IFI16: variants seen among roughly 807,000 people sequenced by gnomAD.
IFI16 encodes the protein interferon gamma inducible protein 16.
In IFI16, 49 loss-of-function variants were observed where a neutral mutation model predicts 68.4. The ratio of observed to expected loss-of-function variants is 0.72; its 90% CI spans 0.57 to 0.91. IFI16 has a LOEUF of 0.91. Ranked by LOEUF, IFI16 falls within the 40% of genes least tolerant of loss-of-function variation. IFI16 has a pLI of 0.00. For missense variants in IFI16, 878 were observed against 942.9 expected, an observed-to-expected ratio of 0.93 and a Z score of 0.90; for synonymous variants, 307 against 315.0, an observed-to-expected ratio of 0.97 and a Z score of 0.27.
intron 9 of IFI16, among the ~76,000 whole-genome samples, chr1:159,050,992 C>T (rs766965902): frequency 5.3e-5 from 8 of 152,138 alleles, no homozygotes; most frequent in Non-Finnish European, 1.2e-4. Context: ...CTCATGAAAT[C>T]TAAGGTTTGT....
At chr1:159,027,998 C>T (rs1653776380) in intron 6 of IFI16, among the ~76,000 whole-genome samples, 1 of 151,950 alleles carries the variant, frequency 6.6e-6, no homozygotes, top group Non-Finnish European at 1.5e-5. Context: ...TGTTCTTTGT[C>T]TGTCACAATT....
At chr1:159,020,674 T>C (rs565638598) in intron 6 of IFI16, 145 bp downstream of exon 6, 1 of 510,594 alleles carries the variant, frequency 2.0e-6, no homozygotes, top group Non-Finnish European at 3.4e-6. Context: ...TCACATTTAC[T>C]TTTTTTAATT....
intron 1 of IFI16, 68 bp from the exon 2 acceptor site, chr1:159,014,593 C>T: frequency 9.5e-7 from 1 of 1,049,436 alleles, no homozygotes; most frequent in East Asian, 2.5e-5. Context: ...CACTCACTCA[C>T]ATAGGCATAC....
chr1:159,023,379 C>G (rs1268563241), intron 6 of IFI16, among the ~76,000 whole-genome samples: 1 of 152,124 alleles, frequency 6.6e-6, no homozygotes, highest in African/African-American at 2.4e-5. Context: ...TTAGCTTTCT[C>G]TTTGATGGCG....
At chr1:159,017,810 G>C (rs1247061855) in intron 4 of IFI16, among the ~76,000 whole-genome samples, 1 of 152,140 alleles carries the variant, frequency 6.6e-6, no homozygotes, top group Admixed American at 6.5e-5. Context: ...GTTTCACCAT[G>C]TTGGCCAGGC....
Position 159,018,234 on chromosome 1 carries a change from G to T in IFI16, c.555G>T (p.Pro185=), listed in dbSNP as rs370784049. The change falls in exon 5 of 12, where the codon CCG becomes CCT. Residue 185 remains proline, a synonymous_variant. Transcript: ENST00000295809. Reference sequence around the variant, plus strand: ...TCCTGTGCTATCATACACAGAACCCGAAAACAGTGGCCAAATGTCAGGTAA... The same window carrying T: ...TCCTGTGCTATCATACACAGAACCCTAAAACAGTGGCCAAATGTCAGGTAA... The part of the protein sequence containing the change: ...APPNSSSTEN[P]KTVAKCQVTP... 2 of 1,613,024 alleles carry T rather than the reference G, an allele frequency of 1.2e-6. No homozygotes were observed. Among genetic ancestry groups the T allele is most frequent in the Admixed American group, 3.3e-5 (2 of 59,802 alleles).
chr1:159,042,469 A>C (rs116172816), intron 7 of IFI16, among the ~76,000 whole-genome samples: 1,545 of 152,148 alleles, frequency 0.01, 33 homozygotes, highest in African/African-American at 0.035. Context: ...CATACATCAG[A>C]GTTCAGTTTC....
intron 4 of IFI16, among the ~76,000 whole-genome samples, chr1:159,017,207 G>C (rs1557864382): frequency 1.3e-5 from 2 of 152,350 alleles, no homozygotes; most frequent in East Asian, 3.9e-4. Context: ...CTGTTAGCAT[G>C]CTACCTGCTA....
intron 11 of IFI16, 68 bp from the exon 12 acceptor site, chr1:159,054,753 G>T: frequency 1.3e-6 from 1 of 769,396 alleles, no homozygotes; most frequent in East Asian, 2.5e-5. Flanking sequence ...GATACAGTGT[G>T]ATTGAAGGGA....
chr1:159,020,433 C>T lies in IFI16; in HGVS notation c.1065C>T (p.Pro355=), dbSNP rs367941160. 4.3e-6 allele frequency: 7 copies of T among 1,611,978 alleles called. No homozygotes were observed. The highest frequency in any genetic ancestry group is 1.1e-5 in the South Asian group (1 of 91,012). Residue 355 remains proline (P), a synonymous_variant, in exon 6 of 12, where the codon CCC becomes CCT. Transcript: ENST00000295809. ...GGACAGGACAATGTCACAATATCCCCTGTGAAGAAGGAGATAAGCTCCAAC... is the reference window on the plus strand; with the variant it reads ...GGACAGGACAATGTCACAATATCCCTTGTGAAGAAGGAGATAAGCTCCAAC... The part of the protein sequence containing the change: ...VVGTGQCHNI[P]CEEGDKLQLF...
intron 3 of IFI16, 65 bp from the exon 4 acceptor site, chr1:159,016,468 A>G: frequency 3.6e-6 from 5 of 1,403,780 alleles, no homozygotes; most frequent in Non-Finnish European, 4.8e-6. Flanking sequence ...CTATCCAATA[A>G]TGAAAATGTG....
intron 6 of IFI16, among the ~76,000 whole-genome samples, chr1:159,029,720 G>A (rs1304770097): frequency 7.5e-6 from 1 of 133,686 alleles, no homozygotes; most frequent in African/African-American, 2.9e-5. Context: ...AGCTCTTGTT[G>A]CCCAGGCTGG....
chr1:159,037,470 C>T (rs1654397124), intron 7 of IFI16, among the ~76,000 whole-genome samples: 1 of 152,104 alleles, frequency 6.6e-6, no homozygotes, highest in Non-Finnish European at 1.5e-5. Flanking sequence ...GGATTCAAAA[C>T]CTGAAGAAGA....
chr1:159,021,518 T>C (rs914434492), intron 6 of IFI16, among the ~76,000 whole-genome samples: 2 of 152,248 alleles, frequency 1.3e-5, no homozygotes, highest in Admixed American at 1.3e-4. Context: ...GCATCTGGGC[T>C]GGTTCCATAT....
upstream of IFI16, among the ~76,000 whole-genome samples, chr1:159,001,922 A>G (rs987499441): frequency 6.6e-6 from 1 of 152,230 alleles, no homozygotes; most frequent in Non-Finnish European, 1.5e-5. Context: ...TACACACTGT[A>G]GTTGAGAAGT....
intron 7 of IFI16, among the ~76,000 whole-genome samples, chr1:159,034,626 C>T (rs950693383): frequency 6.6e-6 from 1 of 152,154 alleles, no homozygotes; most frequent in Admixed American, 6.5e-5. Context: ...TCTTCTTGAA[C>T]CCAACTCTCC....
chr1:159,038,730 C>T (rs1393466110), intron 7 of IFI16, among the ~76,000 whole-genome samples: 2 of 152,136 alleles, frequency 1.3e-5, no homozygotes, highest in Admixed American at 6.5e-5. Context: ...TTCCAGACAC[C>T]CTCTATCCTT....
At chr1:159,002,221 AT>A (rs1652085678), upstream of IFI16, among the ~76,000 whole-genome samples, 1 of 152,180 alleles carries the variant, frequency 6.6e-6, no homozygotes, top group Non-Finnish European at 1.5e-5. Flanking sequence ...ATATTACTGA[AT>A]TCAAGTCTTC....
At chr1:159,036,254 C>T (rs1557875342) in intron 7 of IFI16, among the ~76,000 whole-genome samples, 1 of 152,186 alleles carries the variant, frequency 6.6e-6, no homozygotes, top group Non-Finnish European at 1.5e-5. Context: ...TATTCTCAGC[C>T]TCATTTTACA....
Sources: gnomAD v4.1 joint callset for allele counts (sites outside exome capture counted in the v4.1 genomes callset) on GRCh38, gnomAD v4.1.1 for gene constraint, MANE v1.5 for transcripts, NCBI Gene and HGNC (gene_info 2026-07-23, HGNC 2026-07-21) for gene names.